Variants in ADAMTS12 observed in about 807,000 individuals in gnomAD.
ADAMTS12 encodes A disintegrin and metalloproteinase with thrombospondin motifs 12.
In ADAMTS12, 118 loss-of-function variants were observed where a neutral mutation model predicts 167.8. The ratio of observed to expected loss-of-function variants is 0.70; its 90% CI spans 0.61 to 0.82. The LOEUF (loss-of-function observed/expected upper bound fraction) is 0.82. Among genes scored for constraint, ADAMTS12 ranks in the 40% least tolerant of loss-of-function variants. The pLI, the probability that ADAMTS12 is intolerant of heterozygous loss-of-function variation, is 0.00. For missense variants in ADAMTS12, 1,916 were observed against 1,998.8 expected, an observed-to-expected ratio of 0.96 and a Z score of 0.79; for synonymous variants, 704 against 716.9, an observed-to-expected ratio of 0.98 and a Z score of 0.29.
intron 22 of ADAMTS12, among the ~76,000 whole-genome samples, chr5:33,536,194 C>T (rs541114596): frequency 1.3e-5 from 2 of 152,200 alleles, no homozygotes; most frequent in South Asian, 2.1e-4. Flanking sequence ...TGAAAGGCAG[C>T]GGCACAATCT....
intron 2 of ADAMTS12, among the ~76,000 whole-genome samples, chr5:33,847,466 C>A (rs2591741): frequency 0.029 from 4,385 of 151,892 alleles, 182 homozygotes; most frequent in East Asian, 0.2. Context: ...CTACTAAAAA[C>A]ACAAAAATTA....
intron 2 of ADAMTS12, among the ~76,000 whole-genome samples, chr5:33,824,967 G>C (rs1375929581): frequency 6.6e-6 from 1 of 152,148 alleles, no homozygotes; most frequent in South Asian, 2.1e-4. Context: ...CCACTGGAAG[G>C]AGAGTTATTT....
intron 12 of ADAMTS12, 71 bp downstream of exon 12, chr5:33,637,506 C>T: frequency 6.7e-7 from 1 of 1,485,190 alleles, no homozygotes; most frequent in Non-Finnish European, 9.1e-7. Flanking sequence ...TCACAGAAAC[C>T]CTGACTGACA....
chr5:33,870,773 C>G (rs1003635164), intron 2 of ADAMTS12, among the ~76,000 whole-genome samples: 1 of 152,130 alleles, frequency 6.6e-6, no homozygotes, highest in East Asian at 1.9e-4. Context: ...TGAGTGAGTT[C>G]TCATGAGATC....
At chr5:33,684,456 C>A (rs1742249649) in intron 3 of ADAMTS12, among the ~76,000 whole-genome samples, 1 of 152,152 alleles carries the variant, frequency 6.6e-6, no homozygotes. Context: ...TTCTTCTCTC[C>A]ATTTTGCAAA....
intron 2 of ADAMTS12, among the ~76,000 whole-genome samples, chr5:33,820,796 A>G (rs1358196277): frequency 6.6e-6 from 1 of 152,212 alleles, no homozygotes; most frequent in African/African-American, 2.4e-5. Context: ...GCAGCATGAA[A>G]AAGAACAAGA....
intron 2 of ADAMTS12, among the ~76,000 whole-genome samples, chr5:33,844,002 A>G (rs1024065030): frequency 6.6e-6 from 1 of 152,248 alleles, no homozygotes; most frequent in Non-Finnish European, 1.5e-5. Context: ...TACTTTCATA[A>G]TTTATTATGC....
chr5:33,706,710 T>C (rs1267921195), intron 3 of ADAMTS12, among the ~76,000 whole-genome samples: 1 of 152,188 alleles, frequency 6.6e-6, no homozygotes, highest in Non-Finnish European at 1.5e-5. Flanking sequence ...GCTAGCTGGT[T>C]TATCTCAACA....
intron 22 of ADAMTS12, among the ~76,000 whole-genome samples, chr5:33,542,145 T>C (rs1346063282): frequency 6.6e-6 from 1 of 151,448 alleles, no homozygotes; most frequent in Non-Finnish European, 1.5e-5. Flanking sequence ...TGGAGGAAGA[T>C]CTACCAAGCA....
rs1190675883 is a variant in ADAMTS12 at position 33,576,225 on chromosome 5, G to T, written c.3801C>A (p.Asn1267Lys). ...PEPSGKTANR[N>K]HLKLPNNMNQ... Reference sequence around the variant, plus strand: ...TCATGTTGTTTGGAAGTTTCAGGTGGTTACGGTTTGCCGTCTTTCCTGAGG... The same window carrying T: ...TCATGTTGTTTGGAAGTTTCAGGTGTTTACGGTTTGCCGTCTTTCCTGAGG... Residue 1267 changes from asparagine to lysine, a missense_variant, in exon 19 of 24, where the codon AAC (asparagine) becomes AAA (lysine). Coordinates refer to ENST00000504830, the MANE Select transcript of ADAMTS12 (RefSeq NM_030955.4). The T allele has an allele frequency of 6.2e-7, 1 of 1,614,224 alleles. No individual in the cohort carries two copies. Among genetic ancestry groups the T allele is most frequent in the Non-Finnish European group, 8.5e-7 (1 of 1,180,040 alleles).
At chr5:33,540,862 C>A (rs1458933802) in intron 22 of ADAMTS12, among the ~76,000 whole-genome samples, 1 of 152,174 alleles carries the variant, frequency 6.6e-6, no homozygotes, top group Non-Finnish European at 1.5e-5. Context: ...ATAGGTAAAA[C>A]CACAAAGATG....
At chr5:33,573,687 C>A (rs1192492988) in intron 19 of ADAMTS12, among the ~76,000 whole-genome samples, 1 of 152,114 alleles carries the variant, frequency 6.6e-6, no homozygotes, top group Non-Finnish European at 1.5e-5. Flanking sequence ...TAGGCATGGG[C>A]AAGGACTTCA....
In ADAMTS12 at chr5:33,549,269, G is replaced by C. The variant is rs77581578; in HGVS notation, c.4240C>G (p.Pro1414Ala). 1.5e-5 allele frequency: 24 copies of C among 1,614,182 alleles called. No individual in the cohort carries two copies. The East Asian group carries it at 5.3e-4, about 36-fold the overall frequency. Reference protein sequence around the residue: ...HCQFLAGIPPPLSMSCNPEPC... With the variant: ...HCQFLAGIPPALSMSCNPEPC... ...TCCGGGTTACAGCTCATGCTCAATGGGGGAGGAATGCCGGCCAGGAACTGG... is the reference window on the plus strand; with the variant it reads ...TCCGGGTTACAGCTCATGCTCAATGCGGGAGGAATGCCGGCCAGGAACTGG... Residue 1414 changes from proline (P) to alanine (A), a missense_variant, in exon 21 of 24, where the codon CCA becomes GCA. Transcript: ENST00000504830.
intron 3 of ADAMTS12, among the ~76,000 whole-genome samples, chr5:33,704,534 C>T (rs1027597275): frequency 6.6e-6 from 1 of 152,030 alleles, no homozygotes; most frequent in African/African-American, 2.4e-5. Context: ...TTTGATAATA[C>T]CCCACCTAAT....
At chr5:33,677,256 A>C (rs1445103606) in intron 5 of ADAMTS12, among the ~76,000 whole-genome samples, 2 of 152,216 alleles carry the variant, frequency 1.3e-5, no homozygotes, top group African/African-American at 4.8e-5. Flanking sequence ...ACTGATATTA[A>C]CAAGTAACAT....
intron 13 of ADAMTS12, among the ~76,000 whole-genome samples, chr5:33,626,427 G>A (rs1739610462): frequency 6.6e-6 from 1 of 150,916 alleles, no homozygotes; most frequent in African/African-American, 2.5e-5. Context: ...TAGTGGTGAT[G>A]TGGTAGTGAT....
chr5:33,674,501 T>C (rs1741829142), intron 5 of ADAMTS12, among the ~76,000 whole-genome samples: 2 of 152,196 alleles, frequency 1.3e-5, no homozygotes, highest in Non-Finnish European at 2.9e-5. Flanking sequence ...AGGATTTACT[T>C]TATGTCCATA....
chr5:33,569,860 C>A (rs62351107), intron 19 of ADAMTS12, among the ~76,000 whole-genome samples: 3 of 152,048 alleles, frequency 2.0e-5, no homozygotes, highest in East Asian at 1.9e-4. Context: ...AAAATTTAGA[C>A]GAATGTATAA....
intron 2 of ADAMTS12, among the ~76,000 whole-genome samples, chr5:33,797,264 A>G (rs1579944448): frequency 6.6e-6 from 1 of 152,168 alleles, no homozygotes; most frequent in African/African-American, 2.4e-5. Flanking sequence ...TTCCTGGCCA[A>G]GCCTGTTGAA....
Sources: gnomAD v4.1 joint callset for allele counts (sites outside exome capture counted in the v4.1 genomes callset) on GRCh38, gnomAD v4.1.1 for gene constraint, MANE v1.5 for transcripts, NCBI Gene and HGNC (gene_info 2026-07-23, HGNC 2026-07-21) for gene names.